The following UBE3D variants were observed in gnomAD, a reference collection of about 807,000 sequenced individuals.
UBE3D encodes the protein ubiquitin protein ligase E3D, also known as E3 ubiquitin-protein ligase E3D.
Under a neutral mutation model 49.6 loss-of-function variants are expected in UBE3D, and 48 were observed. That is an observed-to-expected ratio of 0.97 (90% confidence interval 0.77 to 1.23). The LOEUF (loss-of-function observed/expected upper bound fraction) is 1.23, where lower values mean the gene tolerates loss of function less well. UBE3D is among the 50% of genes most tolerant of loss of function. UBE3D has a pLI of 0.00. For synonymous variants in UBE3D, 189 were observed against 174.2 expected (o/e 1.08, Z -0.67); for missense variants, 452 against 468.4 (o/e 0.96, Z 0.32).
chr6:83,057,719 C>A lies in UBE3D; in HGVS notation c.274+107G>T, dbSNP rs1783900435. On this transcript the variant is annotated intron_variant, in intron 2 of 9. Coordinates refer to ENST00000369747, the MANE Select transcript of UBE3D (RefSeq NM_198920.3). ...GGCAGAGCTGACAAAGACCCTAGAG[C>A]TTCTCAACCCCTTCACCTGGGAAAA... 5 of 1,097,126 alleles carry A rather than the reference C, an allele frequency of 4.6e-6. No homozygotes were observed. In the South Asian group the frequency reaches 7.1e-5, roughly 16 times the overall value. 68.0% of individuals were successfully genotyped at this position (1,097,126 alleles called of 1,614,324 possible). A position where few individuals can be genotyped will look rare whatever the true frequency, so the allele number is the denominator to read the frequency against.
chr6:82,916,161 C>T (rs1772901523), intron 9 of UBE3D, among the ~76,000 whole-genome samples: 1 of 152,124 alleles, frequency 6.6e-6, no homozygotes, highest in African/African-American at 2.4e-5. Context: ...GACATCTTCC[C>T]TGAGGTCCTG....
chr6:83,065,739 CCGGA>C lies in UBE3D; in HGVS notation c.-25_-22del. The stretch of plus-strand genomic sequence containing the variant: ...GCCATGGCAGGCTTCCAGTCCCAGA[CCGGA>C]CCAAGCTGGAGGTTCCGAGGGGCCC... On this transcript the variant is annotated 5_prime_UTR_variant, in exon 1 of 10. Transcript: ENST00000369747. 1.2e-6 allele frequency: 2 copies of C among 1,603,176 alleles called. No homozygotes were observed. The highest frequency in any genetic ancestry group is 2.2e-5 in the South Asian group (2 of 89,398).
At chr6:83,029,866 AC>A (rs1277967519) in intron 5 of UBE3D, among the ~76,000 whole-genome samples, 2 of 152,062 alleles carry the variant, frequency 1.3e-5, no homozygotes, top group African/African-American at 4.8e-5. Flanking sequence ...TATCCACTGT[AC>A]CTGCATAGGT....
At chr6:83,063,834 C>G (rs948586951) in intron 1 of UBE3D, among the ~76,000 whole-genome samples, 6 of 152,114 alleles carry the variant, frequency 3.9e-5, no homozygotes, top group Non-Finnish European at 8.8e-5. Context: ...CAATTTCTCA[C>G]AAAGTAACAT....
At chr6:82,964,991 T>C (rs780678430) in intron 8 of UBE3D, among the ~76,000 whole-genome samples, 67 of 152,168 alleles carry the variant, frequency 4.4e-4, no homozygotes, top group Non-Finnish European at 6.3e-4. Flanking sequence ...AAATTACAAA[T>C]GCCAAAATTG....
intron 9 of UBE3D, among the ~76,000 whole-genome samples, chr6:82,903,961 C>T (rs9449559): frequency 0.23 from 35,158 of 152,014 alleles, 4,456 homozygotes; most frequent in Admixed American, 0.39. Flanking sequence ...TTATACAGAA[C>T]TGTTCACTGA....
chr6:82,954,124 A>C (rs903550703), intron 9 of UBE3D, among the ~76,000 whole-genome samples: 1 of 152,242 alleles, frequency 6.6e-6, no homozygotes, highest in Non-Finnish European at 1.5e-5. Flanking sequence ...TTATTGGCCA[A>C]GATAAGGAGT....
intron 8 of UBE3D, among the ~76,000 whole-genome samples, chr6:82,958,710 T>C (rs1776338791): frequency 6.6e-6 from 1 of 152,218 alleles, no homozygotes; most frequent in Non-Finnish European, 1.5e-5. Context: ...TCCAACCCCC[T>C]TTTAGCTCTT....
At chr6:83,022,753 T>G (rs1013559645) in intron 6 of UBE3D, among the ~76,000 whole-genome samples, 192 bp from the exon 7 acceptor site, 24 of 152,214 alleles carry the variant, frequency 1.6e-4, no homozygotes, top group African/African-American at 5.5e-4. Flanking sequence ...TCAGGTTTGC[T>G]CCATTCTTCT....
intron 9 of UBE3D, among the ~76,000 whole-genome samples, chr6:82,948,437 A>G (rs1775555578): frequency 6.6e-6 from 1 of 152,032 alleles, no homozygotes; most frequent in South Asian, 2.1e-4. Flanking sequence ...CCAAACATTT[A>G]AAGAAGAACT....
At chr6:82,982,755 C>T (rs1476952700) in intron 8 of UBE3D, among the ~76,000 whole-genome samples, 1 of 152,120 alleles carries the variant, frequency 6.6e-6, no homozygotes, top group Non-Finnish European at 1.5e-5. Flanking sequence ...TCAACAAGTT[C>T]CATTACTTCA....
chr6:82,911,803 T>C (rs1014744593), intron 9 of UBE3D, among the ~76,000 whole-genome samples: 2 of 152,176 alleles, frequency 1.3e-5, no homozygotes, highest in African/African-American at 2.4e-5. Flanking sequence ...GATAATTTTA[T>C]AATCTCAGGA....
intron 1 of UBE3D, among the ~76,000 whole-genome samples, chr6:83,058,836 G>A (rs926550545): frequency 1.3e-5 from 2 of 152,182 alleles, no homozygotes; most frequent in African/African-American, 4.8e-5. Context: ...CAAAGCATAT[G>A]GATCTGCACT....
intron 8 of UBE3D, among the ~76,000 whole-genome samples, chr6:82,958,679 T>C (rs1198210352): frequency 6.6e-6 from 1 of 152,230 alleles, no homozygotes; most frequent in Non-Finnish European, 1.5e-5. Flanking sequence ...CCAGTTTTTG[T>C]GTAGGGGAGA....
chr6:82,884,144 G>T, the UBE3D span, among the ~76,000 whole-genome samples: 1 of 152,146 alleles, frequency 6.6e-6, no homozygotes, highest in African/African-American at 2.4e-5. Context: ...TAGGCACTGG[G>T]GTGCAGGGAA....
At chr6:83,064,223 CTTTTTAT>C (rs912941322) in intron 1 of UBE3D, among the ~76,000 whole-genome samples, 12 of 151,368 alleles carry the variant, frequency 7.9e-5, no homozygotes, top group African/African-American at 2.9e-4. Context: ...CTTTTTTTTT[CTTTTTAT>C]TTTTTATTTT....
chr6:82,978,982 G>T (rs1777921990), intron 8 of UBE3D, among the ~76,000 whole-genome samples: 3 of 152,056 alleles, frequency 2.0e-5, no homozygotes, highest in Non-Finnish European at 2.9e-5. Context: ...AAATCAGTTG[G>T]AATAACATAA....
In UBE3D at chr6:83,049,943, T is replaced by C. The variant is rs551436955; in HGVS notation, c.365+4205A>G. Reference sequence around the variant, plus strand: ...TATTATTGCTGGATATTAGGGCCCATTAATCTTAACAAGAGCATAATAAAA... The same window carrying C: ...TATTATTGCTGGATATTAGGGCCCACTAATCTTAACAAGAGCATAATAAAA... On this transcript the variant is annotated intron_variant, in intron 3 of 9. Transcript: ENST00000369747. Among the ~76,000 whole-genome samples the C allele has an allele frequency of 2.8e-4, 43 of 152,312 alleles. No homozygotes were observed. In the Middle Eastern group the frequency reaches 0.014, roughly 48 times the overall value.
chr6:82,932,072 C>G (rs937478850), intron 9 of UBE3D, among the ~76,000 whole-genome samples: 3 of 152,166 alleles, frequency 2.0e-5, no homozygotes, highest in African/African-American at 7.2e-5. Flanking sequence ...TCCTTGCTGT[C>G]ACCATGTGAC....
Sources: allele counts gnomAD v4.1 joint callset (sites outside exome capture counted in the v4.1 genomes callset), GRCh38; gene constraint gnomAD v4.1.1; transcripts MANE v1.5; gene names NCBI Gene and HGNC (gene_info 2026-07-23, HGNC 2026-07-21).